Variants in RPS15 observed in about 807,000 individuals in gnomAD.
RPS15 encodes small ribosomal subunit protein uS19.
In RPS15, 5 loss-of-function variants were observed where a neutral mutation model predicts 14.9. The ratio of observed to expected loss-of-function variants is 0.34; its 90% CI spans 0.18 to 0.70. RPS15 has a LOEUF of 0.70. Ranked by LOEUF, RPS15 falls within the 30% of genes least tolerant of loss-of-function variation. The probability of loss-of-function intolerance (pLI) is 0.65; values close to 1 mark genes in which losing one functional copy is unlikely to be tolerated. For missense variants in RPS15, 102 were observed against 204.2 expected, an observed-to-expected ratio of 0.50 and a Z score of 3.05; for synonymous variants, 103 against 85.0, an observed-to-expected ratio of 1.21 and a Z score of -1.16.
At position 1,438,950 on chromosome 19, in the gene RPS15, G is replaced by T; in HGVS notation, c.89+58G>T. 5 of 1,472,676 alleles carry T rather than the reference G, an allele frequency of 3.4e-6. No homozygotes were observed. The highest frequency in any genetic ancestry group is 4.6e-6 in the Non-Finnish European group (5 of 1,080,412). 91.2% of individuals were successfully genotyped at this position (1,472,676 alleles called of 1,614,324 possible). ...CTGGGCCAGCGGTGGGGCTTGTCCG[G>T]GTGAGGGCGGCGGGGCGGGGGTCCA... is the stretch of plus-strand genomic sequence containing the variant. On this transcript the variant is annotated intron_variant, in intron 2 of 3. Coordinates refer to ENST00000592588, the MANE Select transcript of RPS15 (RefSeq NM_001018.5). The surrounding 1 kb of genome is among the most constrained non-coding windows in gnomAD (Gnocchi z 4.8).
rs747355862 is a variant in RPS15, at chr19:1,440,104, C to G, written c.175C>G (p.Arg59Gly). The G allele has an allele frequency of 1.0e-5, 16 of 1,592,284 alleles. No homozygotes were observed. Among genetic ancestry groups the G allele is most frequent in the Non-Finnish European group, 1.4e-5 (16 of 1,171,268 alleles). Residue 59 changes from arginine to glycine, a missense_variant, in exon 3 of 4, where the codon CGC (arginine) becomes GGC (glycine). By Grantham distance (125) the Arg-to-Gly change is moderately radical. Transcript: ENST00000592588. Reference sequence around the variant, plus strand: ...GCGGAAGCAGCACTCCCTGCTGAAGCGCCTGCGCAAGGCCAAGAAGGAGGC... The same window carrying G: ...GCGGAAGCAGCACTCCCTGCTGAAGGGCCTGCGCAAGGCCAAGAAGGAGGC... ...LRRKQHSLLKRLRKAKKEAPP... is the reference protein window; with the variant it reads ...LRRKQHSLLKGLRKAKKEAPP...
Position 1,440,011 on chromosome 19 carries a change from C to T in RPS15, c.90-8C>T, listed in dbSNP as rs2144990478. ...CGCTCACAAAACTGCCTGGTGCATC[C>T]TCCCCAGCGAGCAGCTGATGCAGCT... On this transcript the variant is annotated splice_polypyrimidine_tract_variant and splice_region_variant and intron_variant, in intron 2 of 3. Coordinates refer to ENST00000592588, the MANE Select transcript of RPS15 (RefSeq NM_001018.5). 1.9e-6 allele frequency: 3 copies of T among 1,545,810 alleles called. No individual in the cohort carries two copies. Among genetic ancestry groups the T allele is most frequent in the South Asian group, 2.4e-5 (2 of 84,014 alleles).
Position 1,438,540 on chromosome 19 carries a change from A to G in RPS15, c.3+112A>G. 6.3e-7 allele frequency: 1 copy of G among 1,592,180 alleles called. No homozygotes were observed. Among genetic ancestry groups the G allele is most frequent in the Non-Finnish European group, 8.5e-7 (1 of 1,169,730 alleles). ...CCGCGGCTACGGCGGCTTGCTCCCG[A>G]CCCTGCAGGCGGCTGGATGTTGGGG... On this transcript the variant is annotated intron_variant, in intron 1 of 3. Transcript: ENST00000592588. The surrounding 1 kb of genome is among the most constrained non-coding windows in gnomAD (Gnocchi z 4.8).
At chr19:1,439,620 C>T (rs1477288363) in intron 2 of RPS15, 4 of 497,798 alleles carry the variant, frequency 8.0e-6, no homozygotes, top group Non-Finnish European at 1.4e-5. Context: ...GTCTTGAACT[C>T]CTGGGCTCAA....
At position 1,438,418 on chromosome 19, in the gene RPS15, C is replaced by T. The variant is rs1390753435; in HGVS notation, c.-8C>T. 3.7e-6 allele frequency: 6 copies of T among 1,613,464 alleles called. No homozygotes were observed. The highest frequency in any genetic ancestry group is 1.3e-5 in the African/African-American group (1 of 75,062). ...GACCAAAGCGATCTCTTCTGAGGATCCGGCAAGATGGTGAGTGTTGCGATT... is the reference window on the plus strand; with the variant it reads ...GACCAAAGCGATCTCTTCTGAGGATTCGGCAAGATGGTGAGTGTTGCGATT... On this transcript the variant is annotated 5_prime_UTR_variant, in exon 1 of 4. Transcript: ENST00000592588. This position sits in a 1 kb window ranked among gnomAD's most constrained non-coding sequence, Gnocchi z 4.8.
rs373220983 is a variant in RPS15, at chr19:1,440,447, C to T, written c.423C>T (p.Phe141=). The T allele has an allele frequency of 2.5e-6, 4 of 1,613,012 alleles. No individual in the cohort carries two copies. Among genetic ancestry groups the T allele is most frequent in the African/African-American group, 2.7e-5 (2 of 75,048 alleles). Residue 141 remains phenylalanine, a synonymous_variant, in exon 4 of 4, where the codon TTC becomes TTT. Coordinates refer to ENST00000592588, the MANE Select transcript of RPS15 (RefSeq NM_001018.5). ...TCGGGGCCACCCACTCCTCCCGCTT[C>T]ATCCCTCTCAAGTAATGGCTCAGCT... ...PGIGATHSSR[F]IPLK is the part of the protein sequence containing the mutation.
intron 2 of RPS15, chr19:1,439,801 C>A: frequency 1.6e-6 from 1 of 628,130 alleles, no homozygotes; most frequent in South Asian, 1.8e-5. Flanking sequence ...TCTCTGCAGT[C>A]ACACGGTGGC....
At position 1,438,632 on chromosome 19, in the gene RPS15, C is replaced by G. The variant is rs1233358720; in HGVS notation, c.4-175C>G. 2 of 1,533,036 alleles carry G rather than the reference C, an allele frequency of 1.3e-6. No individual in the cohort carries two copies. The highest frequency in any genetic ancestry group is 4.9e-5 in the East Asian group (2 of 40,636). 95.0% of individuals were successfully genotyped at this position (1,533,036 alleles called of 1,614,324 possible). The stretch of plus-strand genomic sequence containing the variant: ...GGAAGGCCTGTCCGGGCCTTCATGT[C>G]CGGGTCCTCGTAACCCGGAGCCGCG... On this transcript the variant is annotated intron_variant, in intron 1 of 3. Transcript: ENST00000592588. This position sits in a 1 kb window ranked among gnomAD's most constrained non-coding sequence, Gnocchi z 4.8.
Position 1,438,762 on chromosome 19 carries a change from G to C in RPS15, c.4-45G>C, listed in dbSNP as rs780984042. The C allele has an allele frequency of 3.8e-6, 6 of 1,560,332 alleles. No individual in the cohort carries two copies. The highest frequency in any genetic ancestry group is 3.5e-6 in the Non-Finnish European group (4 of 1,152,470). On this transcript the variant is annotated intron_variant, in intron 1 of 3. Coordinates refer to ENST00000592588, the MANE Select transcript of RPS15 (RefSeq NM_001018.5). The surrounding 1 kb of genome is among the most constrained non-coding windows in gnomAD (Gnocchi z 4.8). ...GTCCTCGGGCCCGGTGGCCCCGGGA[G>C]ATGGGTGTCGGGATCCCGCTGACGC...
chr19:1,438,652 G>A lies in RPS15; in HGVS notation c.4-155G>A. 6.5e-7 allele frequency: 1 copy of A among 1,530,208 alleles called. No homozygotes were observed. Among genetic ancestry groups the A allele is most frequent in the Non-Finnish European group, 8.8e-7 (1 of 1,132,818 alleles). The allele number at this position is 1,530,208 out of a possible 1,614,324, so 94.8% of individuals were successfully genotyped here. On this transcript the variant is annotated intron_variant, in intron 1 of 3. Transcript: ENST00000592588. The surrounding 1 kb of genome is among the most constrained non-coding windows in gnomAD (Gnocchi z 4.8). ...CATGTCCGGGTCCTCGTAACCCGGAGCCGCGAGTGATCCCCGGGGACGGGT... is the reference window on the plus strand; with the variant it reads ...CATGTCCGGGTCCTCGTAACCCGGAACCGCGAGTGATCCCCGGGGACGGGT...
chr19:1,440,314 A>T (rs1367235428), intron 3 of RPS15, 35 bp from the exon 4 acceptor site: 1 of 1,610,768 alleles, frequency 6.2e-7, no homozygotes. Context: ...AGGCGGGATC[A>T]GCTGACACCC....
chr19:1,439,907 C>T (rs1600267489), intron 2 of RPS15, 112 bp from the exon 3 acceptor site: 2 of 864,108 alleles, frequency 2.3e-6, no homozygotes, highest in Non-Finnish European at 3.7e-6. Flanking sequence ...GTGACAGGTC[C>T]ACTGCGGCTC....
chr19:1,439,915 C>A, intron 2 of RPS15, 104 bp from the exon 3 acceptor site: 1 of 949,908 alleles, frequency 1.1e-6, no homozygotes, highest in Non-Finnish European at 1.6e-6. Context: ...TCCACTGCGG[C>A]TCTGTCCCTG....
rs939070435 is a variant in RPS15 at position 1,439,834 on chromosome 19, G to T, written c.90-185G>T. 1.2e-5 allele frequency: 8 copies of T among 645,682 alleles called. No homozygotes were observed. The African/African-American group carries it at 1.4e-4, about 12-fold the overall frequency. The allele number at this position is 645,682 out of a possible 1,614,324, so 40.0% of individuals were successfully genotyped here. ...GGCTCTTGCATGTGAGGGGTGAGTC[G>T]CGCATATCTGGCGGGGGTGCCAGAG... On this transcript the variant is annotated intron_variant, in intron 2 of 3. Coordinates refer to ENST00000592588, the MANE Select transcript of RPS15 (RefSeq NM_001018.5).
chr19:1,439,437 A>C, intron 2 of RPS15: 1 of 175,096 alleles, frequency 5.7e-6, no homozygotes, highest in South Asian at 1.2e-4. Flanking sequence ...TAATTTTTGT[A>C]TTTTTAGTAG....
In RPS15 at chr19:1,440,060, G is replaced by A. The variant is rs2083641109; in HGVS notation, c.131G>A (p.Arg44Gln). The A allele has an allele frequency of 1.9e-6, 3 of 1,562,112 alleles. No homozygotes were observed. Among genetic ancestry groups the A allele is most frequent in the Non-Finnish European group, 2.6e-6 (3 of 1,154,520 alleles). ...MQLYSARQRR[R>Q]LNRGLRRKQH... Reference sequence around the variant, plus strand: ...CTGTACAGTGCGCGCCAGCGGCGGCGGCTGAACCGGGGCCTGCGGCGGAAG... The same window carrying A: ...CTGTACAGTGCGCGCCAGCGGCGGCAGCTGAACCGGGGCCTGCGGCGGAAG... Residue 44 changes from arginine (R) to glutamine (Q), a missense_variant, in exon 3 of 4, where the codon CGG becomes CAG. Physicochemically the swap from Arg to Gln is conservative, Grantham distance 43 (BLOSUM62 1). Transcript: ENST00000592588.
chr19:1,438,719 C>CCGCGCGTCTTCCGCGGTGT lies in RPS15; in HGVS notation c.4-86_4-68dup. On this transcript the variant is annotated intron_variant, in intron 1 of 3. Coordinates refer to ENST00000592588, the MANE Select transcript of RPS15 (RefSeq NM_001018.5). This position sits in a 1 kb window ranked among gnomAD's most constrained non-coding sequence, Gnocchi z 4.8. ...TGTCGGGCTTCTGTCCCCGGCGGCG[C>CCGCGCGTCTTCCGCGGTGT]CGCGCGTCTTCCGCGGTGTCCTCGG... is the stretch of plus-strand genomic sequence containing the variant. 1 of 1,536,744 alleles carries CCGCGCGTCTTCCGCGGTGT rather than the reference C, an allele frequency of 6.5e-7. No homozygotes were observed. The highest frequency in any genetic ancestry group is 1.2e-5 in the South Asian group (1 of 83,888).
Position 1,440,466 on chromosome 19 carries a change from C to T in RPS15, c.*4C>T, listed in dbSNP as rs773035799. 28 of 1,603,076 alleles carry T rather than the reference C, an allele frequency of 1.7e-5. No homozygotes were observed. Among genetic ancestry groups the T allele is most frequent in the Middle Eastern group, 1.7e-4 (1 of 6,058 alleles). On this transcript the variant is annotated 3_prime_UTR_variant, in exon 4 of 4. Coordinates refer to ENST00000592588, the MANE Select transcript of RPS15 (RefSeq NM_001018.5). The stretch of plus-strand genomic sequence containing the variant: ...CCGCTTCATCCCTCTCAAGTAATGG[C>T]TCAGCTAATAAAGGCGCACATGACT...
At chr19:1,439,880 AGT>A in intron 2 of RPS15, 137 bp from the exon 3 acceptor site, 2 of 750,630 alleles carry the variant, frequency 2.7e-6, no homozygotes, top group South Asian at 2.9e-5. Context: ...TGTTCATTGT[AGT>A]CACTACAATG....
Sources: gnomAD v4.1 joint callset for allele counts on GRCh38, gnomAD v4.1.1 for gene constraint, Gnocchi (gnomAD v3.1) non-coding constraint, MANE v1.5 for transcripts, NCBI Gene and HGNC (gene_info 2026-07-23, HGNC 2026-07-21) for gene names.